GPC6: variants seen among roughly 807,000 people sequenced by gnomAD.
GPC6 encodes the protein glypican 6, also known as glypican-6.
In GPC6, 14 loss-of-function variants were observed where a neutral mutation model predicts 55.2. The ratio of observed to expected loss-of-function variants is 0.25; its 90% CI spans 0.17 to 0.40. The LOEUF is 0.40. Among genes scored for constraint, GPC6 ranks in the 10% least tolerant of loss-of-function variants. GPC6 has a pLI of 1.00. For synonymous variants in GPC6, 278 were observed against 259.6 expected, an observed-to-expected ratio of 1.07 and a Z score of -0.68; for missense variants, 641 against 708.5, an observed-to-expected ratio of 0.90 and a Z score of 1.08.
At chr13:94,237,167 G>T (rs1282681579) in intron 4 of GPC6, among the ~76,000 whole-genome samples, 3 of 152,126 alleles carry the variant, frequency 2.0e-5, no homozygotes, top group Non-Finnish European at 4.4e-5. Flanking sequence ...GTGAGCTGAG[G>T]TAGAAAAAGA....
At chr13:93,709,093 G>C (rs1882956279) in intron 2 of GPC6, among the ~76,000 whole-genome samples, 1 of 151,756 alleles carries the variant, frequency 6.6e-6, no homozygotes. Flanking sequence ...TTGCAACCAA[G>C]AAAATAATTT....
chr13:93,527,146 T>C (rs899945265), intron 1 of GPC6, among the ~76,000 whole-genome samples: 2 of 152,104 alleles, frequency 1.3e-5, no homozygotes, highest in Non-Finnish European at 2.9e-5. Context: ...AAATGATTAC[T>C]GCAGTCAAGC....
At chr13:93,760,348 C>A (rs984669799) in intron 2 of GPC6, among the ~76,000 whole-genome samples, 2 of 152,168 alleles carry the variant, frequency 1.3e-5, no homozygotes, top group African/African-American at 4.8e-5. Context: ...GTTAATTACA[C>A]CCTGAGCACA....
At chr13:93,751,348 T>G (rs1039894341) in intron 2 of GPC6, among the ~76,000 whole-genome samples, 4 of 151,946 alleles carry the variant, frequency 2.6e-5, no homozygotes, top group Non-Finnish European at 5.9e-5. Context: ...GGTTTAAAGT[T>G]CTGAGAATAC....
intron 2 of GPC6, among the ~76,000 whole-genome samples, chr13:93,622,513 C>CACAG (rs1879002198): frequency 6.6e-6 from 1 of 151,672 alleles, no homozygotes; most frequent in South Asian, 2.1e-4. Flanking sequence ...TACACACCCA[C>CACAG]ACAGACTTTT....
intron 1 of GPC6, among the ~76,000 whole-genome samples, chr13:93,446,761 T>C (rs1878021371): frequency 6.6e-6 from 1 of 152,208 alleles, no homozygotes; most frequent in South Asian, 2.1e-4. Context: ...GCTTTTTCTT[T>C]GAAAATATGA....
At chr13:93,591,337 G>A (rs9589786) in intron 2 of GPC6, among the ~76,000 whole-genome samples, 25,119 of 151,698 alleles carry the variant, frequency 0.17, 5,253 homozygotes, top group African/African-American at 0.49. Context: ...GGTGGCGGAC[G>A]CCTGTAGTCC....
intron 4 of GPC6, among the ~76,000 whole-genome samples, chr13:94,260,930 T>C (rs1891638111): frequency 6.6e-6 from 1 of 152,080 alleles, no homozygotes; most frequent in Non-Finnish European, 1.5e-5. Context: ...AGTGGGTGTA[T>C]GGGAAAAAAG....
At chr13:93,269,891 C>CA (rs529558741) in intron 1 of GPC6, among the ~76,000 whole-genome samples, 2,922 of 51,352 alleles carry the variant, frequency 0.057, 162 homozygotes, top group African/African-American at 0.14. Flanking sequence ...GACTCCATCT[C>CA]AAAAAAAAAA....
At chr13:93,949,191 T>G (rs1879142014) in intron 3 of GPC6, among the ~76,000 whole-genome samples, 1 of 152,238 alleles carries the variant, frequency 6.6e-6, no homozygotes, top group South Asian at 2.1e-4. Context: ...AATGTTTGTT[T>G]TCTTAATCAA....
intron 1 of GPC6, among the ~76,000 whole-genome samples, chr13:93,382,739 A>G (rs974485742): frequency 1.3e-5 from 2 of 152,244 alleles, no homozygotes; most frequent in Non-Finnish European, 2.9e-5. Flanking sequence ...GTCTTTAGAA[A>G]CAAATTACAT....
At chr13:94,090,314 CAT>C (rs1737421739) in intron 4 of GPC6, among the ~76,000 whole-genome samples, 1 of 152,068 alleles carries the variant, frequency 6.6e-6, no homozygotes, top group Non-Finnish European at 1.5e-5. Context: ...CCTCCCATGA[CAT>C]GTGGGGATTA....
chr13:93,490,460 C>CTTTTTTTT (rs71123487), intron 1 of GPC6, among the ~76,000 whole-genome samples: 1 of 30,648 alleles, frequency 3.3e-5, no homozygotes, highest in Non-Finnish European at 5.8e-5. Flanking sequence ...ATTATTATTT[C>CTTTTTTTT]TTTTTTTTTT....
intron 1 of GPC6, among the ~76,000 whole-genome samples, chr13:93,250,339 T>C (rs1050184896): frequency 6.6e-6 from 1 of 152,232 alleles, no homozygotes; most frequent in South Asian, 2.1e-4. Flanking sequence ...GTCCTAGGGC[T>C]CTGCCCATTT....
intron 4 of GPC6, among the ~76,000 whole-genome samples, chr13:94,237,879 G>A (rs372496380): frequency 6.6e-6 from 1 of 152,264 alleles, no homozygotes; most frequent in East Asian, 1.9e-4. Flanking sequence ...GCAGAATAAT[G>A]AGCAAAAATG....
At chr13:94,080,292 C>T (rs1399427978) in intron 4 of GPC6, among the ~76,000 whole-genome samples, 3 of 152,088 alleles carry the variant, frequency 2.0e-5, no homozygotes, top group Non-Finnish European at 4.4e-5. Flanking sequence ...TGTGACTTCA[C>T]CTTGTCAGTG....
At chr13:93,297,627 CAAAAAGT>C (rs1273913670) in intron 1 of GPC6, among the ~76,000 whole-genome samples, 1 of 151,920 alleles carries the variant, frequency 6.6e-6, no homozygotes, top group Non-Finnish European at 1.5e-5. Flanking sequence ...TTTAACAGAA[CAAAAAGT>C]AAAAAGTAAA....
chr13:93,980,946 G>C (rs957361225), intron 3 of GPC6, among the ~76,000 whole-genome samples: 1 of 152,108 alleles, frequency 6.6e-6, no homozygotes, highest in South Asian at 2.1e-4. Flanking sequence ...CCCCATCTCA[G>C]AGCACTGTTT....
At chr13:93,285,749 C>A (rs1878103158) in intron 1 of GPC6, among the ~76,000 whole-genome samples, 1 of 151,190 alleles carries the variant, frequency 6.6e-6, no homozygotes, top group Admixed American at 6.6e-5. Flanking sequence ...CTCAGGATAG[C>A]TTTTTCTAAG....
Sources: gnomAD v4.1 joint callset for allele counts (sites outside exome capture counted in the v4.1 genomes callset) on GRCh38, gnomAD v4.1.1 for gene constraint, MANE v1.5 for transcripts, NCBI Gene and HGNC (gene_info 2026-07-23, HGNC 2026-07-21) for gene names.